The following DPYSL4 variants were observed in gnomAD, a reference collection of about 807,000 sequenced individuals.
DPYSL4 encodes the protein dihydropyrimidinase like 4.
A neutral mutation model predicts 63.4 loss-of-function variants in DPYSL4; 43 were observed. That is an observed-to-expected ratio of 0.68 (90% confidence interval 0.53 to 0.88). DPYSL4 has a LOEUF of 0.88. Among genes scored for constraint, DPYSL4 ranks in the 40% least tolerant of loss-of-function variants. The pLI, the probability that DPYSL4 is intolerant of heterozygous loss-of-function variation, is 0.00. For missense variants in DPYSL4, 733 were observed against 819.5 expected (o/e 0.89, Z 1.29); for synonymous variants, 353 against 331.7 (o/e 1.06, Z -0.70).
intron 6 of DPYSL4, among the ~76,000 whole-genome samples, 198 bp from the exon 7 acceptor site, chr10:132,198,217 T>G (rs1157736891): frequency 6.6e-6 from 1 of 152,076 alleles, no homozygotes. Context: ...TGTCCCCTCC[T>G]TGGTAACTCA....
chr10:132,201,846 C>T (rs1383107223), intron 10 of DPYSL4, 100 bp from the exon 11 acceptor site: 6 of 1,291,372 alleles, frequency 4.6e-6, no homozygotes, highest in Non-Finnish European at 6.4e-6. Context: ...GGTGACCTGG[C>T]ATCCATCCTT....
chr10:132,200,370 GGGGA>G lies in DPYSL4; in HGVS notation c.828_831del (p.Glu277ProfsTer51). 1 of 1,613,194 alleles carries G rather than the reference GGGGA, an allele frequency of 6.2e-7. No individual in the cohort carries two copies. The highest frequency in any genetic ancestry group is 1.3e-5 in the African/African-American group (1 of 75,030). ...TCGTGCTGCAGGGGTGGTCGTGTTT[GGGGA>G]GCCCATCACCGCCAGCCTGGGCACC... is the stretch of plus-strand genomic sequence containing the variant. On this transcript the variant is annotated frameshift_variant, in exon 9 of 14. Coordinates refer to ENST00000338492, the MANE Select transcript of DPYSL4 (RefSeq NM_006426.3). LOFTEE classifies it high-confidence loss of function.
At chr10:132,200,232 T>A in intron 8 of DPYSL4, 124 bp from the exon 9 acceptor site, 3 of 1,280,374 alleles carry the variant, frequency 2.3e-6, no homozygotes, top group Non-Finnish European at 3.3e-6. Context: ...GACTCTAGAC[T>A]GGGCACAAGC....
chr10:132,187,042 A>G lies in DPYSL4; in HGVS notation c.-22A>G. The G allele has an allele frequency of 2.6e-6, 2 of 773,096 alleles. No individual in the cohort carries two copies. The highest frequency in any genetic ancestry group is 3.3e-6 in the Non-Finnish European group (2 of 607,684). 47.9% of individuals were successfully genotyped at this position (773,096 alleles called of 1,614,324 possible). On this transcript the variant is annotated 5_prime_UTR_variant, in exon 1 of 14. Transcript: ENST00000338492. ...GCCCGCCCCCGCTTGTGCCGCCCCT[A>G]CCAGAGACCCCCAGGAGCAGGATGT...
rs1798977773 is a variant in DPYSL4 at position 132,202,791 on chromosome 10, A to G, written c.1427A>G (p.Asp476Gly). ...TTCGTCCCTCGGAAAACATTCCCGG[A>G]CTTTGTCTACAAGAGGATCAAAGCT... The part of the protein sequence containing the change: ...GRFVPRKTFP[D>G]FVYKRIKARN... Residue 476 changes from aspartate to glycine, a missense_variant, in exon 12 of 14, where the codon GAC (aspartate) becomes GGC (glycine). Coordinates refer to ENST00000338492, the MANE Select transcript of DPYSL4 (RefSeq NM_006426.3). 1.2e-6 allele frequency: 2 copies of G among 1,608,968 alleles called. No individual in the cohort carries two copies. The highest frequency in any genetic ancestry group is 1.7e-5 in the Admixed American group (1 of 59,718).
At chr10:132,202,921 C>G in intron 12 of DPYSL4, 96 bp downstream of exon 12, 2 of 1,440,000 alleles carry the variant, frequency 1.4e-6, no homozygotes, top group South Asian at 1.4e-5. Context: ...CCCGGCCTCC[C>G]GAGGGGTCAG....
intron 2 of DPYSL4, 33 bp downstream of exon 2, chr10:132,190,868 C>A: frequency 1.2e-6 from 2 of 1,606,548 alleles, no homozygotes; most frequent in Non-Finnish European, 8.5e-7. Flanking sequence ...AATACGTTCC[C>A]AGCTCGTGTG....
Position 132,198,938 on chromosome 10 carries a change from G to T in DPYSL4, c.778G>T (p.Ala260Ser), listed in dbSNP as rs1221006482. 2 of 1,612,746 alleles carry T rather than the reference G, an allele frequency of 1.2e-6. No homozygotes were observed. The highest frequency in any genetic ancestry group is 1.7e-5 in the Admixed American group (1 of 60,012). Residue 260 changes from alanine (A) to serine (S), a missense_variant, in exon 8 of 14, where the codon GCG (alanine) becomes TCG (serine). Physicochemically the swap from Ala to Ser is moderately conservative, Grantham distance 99. Transcript: ENST00000338492. Reference protein sequence around the residue: ...LYVTKVMSKGAADAIAQAKRR... With the variant: ...LYVTKVMSKGSADAIAQAKRR... ...CGTCACCAAGGTGATGAGCAAGGGG[G>T]CGGCCGACGCCATCGCTCAGGCCAA...
chr10:132,195,062 C>G (rs1228145336), intron 4 of DPYSL4, 53 bp downstream of exon 4: 14 of 1,562,478 alleles, frequency 9.0e-6, no homozygotes, highest in Middle Eastern at 3.9e-4. Context: ...GTGGAGGAGC[C>G]TCTGCCCTGA....
At chr10:132,201,126 C>G in intron 10 of DPYSL4, 143 bp downstream of exon 10, 4 of 1,252,420 alleles carry the variant, frequency 3.2e-6, no homozygotes, top group Non-Finnish European at 4.3e-6. Flanking sequence ...GGCGGATTCC[C>G]CACCCAGGGC....
intron 10 of DPYSL4, among the ~76,000 whole-genome samples, chr10:132,201,229 T>C (rs2062013612): frequency 6.6e-6 from 1 of 152,094 alleles, no homozygotes; most frequent in Non-Finnish European, 1.5e-5. Flanking sequence ...ACTCTAGTGT[T>C]GCCCGGACAC....
intron 6 of DPYSL4, 87 bp downstream of exon 6, chr10:132,197,188 G>A: frequency 8.2e-7 from 1 of 1,219,012 alleles, no homozygotes. Context: ...GGGTCTGAGG[G>A]TGACTTTCAT....
Position 132,187,000 on chromosome 10 carries a change from C to CCCGGGGGGGGG in DPYSL4, c.-64_-63insCCGGGGGGGGG. The CCCGGGGGGGGG allele has an allele frequency of 7.2e-4, 8 of 11,122 alleles. No homozygotes were observed. Among genetic ancestry groups the CCCGGGGGGGGG allele is most frequent in the Non-Finnish European group, 8.9e-4 (5 of 5,642 alleles). 0.7% of individuals were successfully genotyped at this position (11,122 alleles called of 1,614,324 possible). A position where few individuals can be genotyped will look rare whatever the true frequency, so the allele number is the denominator to read the frequency against. On this transcript the variant is annotated 5_prime_UTR_variant, in exon 1 of 14. Coordinates refer to ENST00000338492, the MANE Select transcript of DPYSL4 (RefSeq NM_006426.3). ...ACGCGTCCCGGCTCACGCGTCCCCC[C>CCCGGGGGGGGG]GCCCGCCCGCCCGCCCGCCCGCCCC...
chr10:132,198,584 C>T (rs1283171572), intron 7 of DPYSL4, 101 bp downstream of exon 7: 11 of 1,269,352 alleles, frequency 8.7e-6, no homozygotes, highest in Non-Finnish European at 1.2e-5. Flanking sequence ...GGCCCTGCCA[C>T]TGTGCTCGCC....
At chr10:132,198,317 G>A (rs2061970547) in intron 6 of DPYSL4, 98 bp from the exon 7 acceptor site, 4 of 1,235,292 alleles carry the variant, frequency 3.2e-6, no homozygotes, top group Admixed American at 4.2e-5. Flanking sequence ...GGGGGTCCAG[G>A]ACCACTTGGG....
chr10:132,203,655 C>G (rs774250830), intron 12 of DPYSL4, 107 bp from the exon 13 acceptor site: 1 of 1,130,650 alleles, frequency 8.8e-7, no homozygotes, highest in East Asian at 2.5e-5. Context: ...CAGAGCAGGC[C>G]CAGCCCTCCA....
At position 132,195,003 on chromosome 10, in the gene DPYSL4, G is replaced by C. The variant is rs752881258; in HGVS notation, c.472G>C (p.Glu158Gln). The change falls in exon 4 of 14, where the codon GAG becomes CAG. Residue 158 changes from glutamate to glutamine, a missense_variant. Coordinates refer to ENST00000338492, the MANE Select transcript of DPYSL4 (RefSeq NM_006426.3). Reference protein sequence around the residue: ...IKEELEALVKEKGVNSFLVFM... With the variant: ...IKEELEALVKQKGVNSFLVFM... Reference sequence around the variant, plus strand: ...GGAGGAGCTGGAGGCCCTGGTCAAGGAGAAGGGTGAGGGTGGCTGGAGGGG... The same window carrying C: ...GGAGGAGCTGGAGGCCCTGGTCAAGCAGAAGGGTGAGGGTGGCTGGAGGGG... The C allele has an allele frequency of 6.2e-7, 1 of 1,602,848 alleles. No individual in the cohort carries two copies. The highest frequency in any genetic ancestry group is 1.7e-5 in the Admixed American group (1 of 59,994).
At chr10:132,200,320 G>A (rs2061996011) in intron 8 of DPYSL4, 36 bp from the exon 9 acceptor site, 2 of 1,609,306 alleles carry the variant, frequency 1.2e-6, no homozygotes, top group East Asian at 4.5e-5. Flanking sequence ...GGTGCAGGTG[G>A]TCGGTGGGGC....
intron 4 of DPYSL4, among the ~76,000 whole-genome samples, chr10:132,196,240 G>A (rs1481642707): frequency 6.6e-6 from 1 of 152,218 alleles, no homozygotes; most frequent in Admixed American, 6.5e-5. Context: ...CGAGTCCTGG[G>A]GGAGGTGGAT....
Sources: gnomAD v4.1 joint callset for allele counts (sites outside exome capture counted in the v4.1 genomes callset) on GRCh38, gnomAD v4.1.1 for gene constraint, MANE v1.5 for transcripts, NCBI Gene and HGNC (gene_info 2026-07-23, HGNC 2026-07-21) for gene names.